The following MAGI2 variants were observed in gnomAD, a reference collection of about 807,000 sequenced individuals.
MAGI2 encodes the protein membrane associated guanylate kinase, WW and PDZ domain containing 2, also known as membrane-associated guanylate kinase, WW and PDZ domain-containing protein 2.
MAGI2 carries 35 observed loss-of-function variants against 133.3 expected under a neutral mutation model. The ratio of observed to expected loss-of-function variants is 0.26; its 90% CI spans 0.20 to 0.35. The LOEUF (loss-of-function observed/expected upper bound fraction) is 0.35, where lower values mean the gene tolerates loss of function less well. Among genes scored for constraint, MAGI2 ranks in the 10% least tolerant of loss-of-function variants. The probability of loss-of-function intolerance (pLI) is 1.00; values close to 1 mark genes in which losing one functional copy is unlikely to be tolerated. For synonymous variants in MAGI2, 729 were observed against 710.6 expected, an observed-to-expected ratio of 1.03 and a Z score of -0.41; for missense variants, 1,636 against 1,863.4, an observed-to-expected ratio of 0.88 and a Z score of 2.25.
rs956267235 is a variant in MAGI2, at chr7:79,228,872, T to C, written c.302-221666A>G. ...AGAGGATGCTAATAGGTACTGAGCA[T>C]TGGAAGCGGAGTAGGGGCAATGGTT... On this transcript the variant is annotated intron_variant, in intron 1 of 21. Transcript: ENST00000354212. Among the ~76,000 whole-genome samples, 6 of 152,148 alleles carry C rather than the reference T, an allele frequency of 3.9e-5. No homozygotes were observed. In the South Asian group the frequency reaches 8.3e-4, roughly 21 times the overall value.
intron 3 of MAGI2, among the ~76,000 whole-genome samples, chr7:78,598,379 G>C (rs1402482579): frequency 6.6e-6 from 1 of 152,038 alleles, no homozygotes; most frequent in Admixed American, 6.6e-5. Flanking sequence ...GATTGTAAGA[G>C]AGGAGTCCAG....
At chr7:79,381,580 T>C (rs899072764) in intron 1 of MAGI2, among the ~76,000 whole-genome samples, 1 of 151,676 alleles carries the variant, frequency 6.6e-6, no homozygotes, top group Non-Finnish European at 1.5e-5. Flanking sequence ...TAATGGCCCA[T>C]AAAAATCAGC....
chr7:78,028,996 G>A (rs1809273393), intron 21 of MAGI2, among the ~76,000 whole-genome samples: 1 of 152,122 alleles, frequency 6.6e-6, no homozygotes. Flanking sequence ...ACTCTAGAGT[G>A]CAAGCCCAAA....
chr7:78,521,831 C>T (rs1045037850), intron 3 of MAGI2, among the ~76,000 whole-genome samples, 186 bp from the exon 4 acceptor site: 5 of 151,534 alleles, frequency 3.3e-5, no homozygotes, highest in African/African-American at 9.7e-5. Flanking sequence ...TTTATTTGTT[C>T]CTTCTGTTGC....
At chr7:78,560,183 T>A (rs976999533) in intron 3 of MAGI2, among the ~76,000 whole-genome samples, 1 of 152,214 alleles carries the variant, frequency 6.6e-6, no homozygotes, top group African/African-American at 2.4e-5. Context: ...ACATTAATAA[T>A]TGAACTTGAG....
At chr7:78,022,441 T>C (rs1383736889) in intron 21 of MAGI2, among the ~76,000 whole-genome samples, 1 of 152,236 alleles carries the variant, frequency 6.6e-6, no homozygotes, top group Non-Finnish European at 1.5e-5. Flanking sequence ...CACCATTTCC[T>C]GAAGGAGGAA....
intron 13 of MAGI2, among the ~76,000 whole-genome samples, chr7:78,181,094 C>T (rs1055724814): frequency 1.3e-5 from 2 of 151,982 alleles, no homozygotes; most frequent in African/African-American, 2.4e-5. Context: ...TAGCTCTCTT[C>T]GCAGATTGTG....
intron 1 of MAGI2, among the ~76,000 whole-genome samples, chr7:79,040,061 C>T (rs1320519082): frequency 6.6e-6 from 1 of 151,856 alleles, no homozygotes; most frequent in Non-Finnish European, 1.5e-5. Context: ...CAAATTTCAT[C>T]TTGAATTGTA....
chr7:79,045,851 G>A (rs1443330385), intron 1 of MAGI2, among the ~76,000 whole-genome samples: 1 of 152,072 alleles, frequency 6.6e-6, no homozygotes, highest in Non-Finnish European at 1.5e-5. Flanking sequence ...GTAGCACAAG[G>A]GGGATCTTCA....
At chr7:78,925,031 C>G (rs1320570399) in intron 2 of MAGI2, among the ~76,000 whole-genome samples, 1 of 151,844 alleles carries the variant, frequency 6.6e-6, no homozygotes, top group African/African-American at 2.4e-5. Flanking sequence ...GAAATTAACC[C>G]TAAAAGATAA....
chr7:79,412,158 A>T (rs879432585), intron 1 of MAGI2: 2 of 151,958 alleles, frequency 1.3e-5, no homozygotes, highest in Non-Finnish European at 2.9e-5. Flanking sequence ...TTAGCCCTGT[A>T]TTTTTTCTTA....
intron 2 of MAGI2, among the ~76,000 whole-genome samples, chr7:78,829,201 A>T (rs1790920009): frequency 6.6e-6 from 1 of 152,102 alleles, no homozygotes; most frequent in South Asian, 2.1e-4. Flanking sequence ...TTTGAATATA[A>T]ATTTTTATTA....
intron 1 of MAGI2, among the ~76,000 whole-genome samples, chr7:79,086,676 G>C (rs1816527958): frequency 6.6e-6 from 1 of 151,374 alleles, no homozygotes. Flanking sequence ...TATTGTTGTT[G>C]TTTTCTAAAT....
At chr7:78,307,868 A>G (rs1214642993) in intron 9 of MAGI2, among the ~76,000 whole-genome samples, 4 of 152,202 alleles carry the variant, frequency 2.6e-5, no homozygotes, top group Non-Finnish European at 5.9e-5. Context: ...AGCAAAGATG[A>G]GAGGAGTCTT....
chr7:79,193,931 C>G (rs1305460243), intron 1 of MAGI2, among the ~76,000 whole-genome samples: 3 of 151,858 alleles, frequency 2.0e-5, no homozygotes, highest in African/African-American at 4.8e-5. Context: ...TCCTTTTACT[C>G]CTTAATTGAT....
At chr7:79,098,814 C>T (rs891535244) in intron 1 of MAGI2, among the ~76,000 whole-genome samples, 6 of 152,180 alleles carry the variant, frequency 3.9e-5, no homozygotes, top group African/African-American at 1.2e-4. Flanking sequence ...GACCCATAAC[C>T]TTAGGGTGTT....
At chr7:79,391,508 C>CATATATATATAT (rs1286692402) in intron 1 of MAGI2, among the ~76,000 whole-genome samples, 7 of 69,178 alleles carry the variant, frequency 1.0e-4, no homozygotes, top group East Asian at 5.6e-4. Flanking sequence ...TATATATAGA[C>CATATATATATAT]ATATATATAT....
intron 1 of MAGI2, among the ~76,000 whole-genome samples, chr7:79,389,903 A>T (rs548014919): frequency 4.3e-4 from 66 of 152,276 alleles, no homozygotes; most frequent in African/African-American, 1.3e-3. Flanking sequence ...GGAGACTCCT[A>T]TGCAAAACTG....
At chr7:78,491,963 T>A (rs1319613094) in intron 5 of MAGI2, among the ~76,000 whole-genome samples, 1 of 150,802 alleles carries the variant, frequency 6.6e-6, no homozygotes, top group Admixed American at 6.6e-5. Context: ...TCTTGGGAAG[T>A]AAGCAAGGAA....
Sources: gnomAD v4.1 joint callset for allele counts (sites outside exome capture counted in the v4.1 genomes callset) on GRCh38, gnomAD v4.1.1 for gene constraint, MANE v1.5 for transcripts, NCBI Gene and HGNC (gene_info 2026-07-23, HGNC 2026-07-21) for gene names.